SHC4: variants seen among roughly 807,000 people sequenced by gnomAD.
The protein encoded by SHC4 is SHC-transforming protein 4.
Under a neutral mutation model 69.4 loss-of-function variants are expected in SHC4, and 41 were observed. The observed-to-expected ratio is 0.59, with a 90% CI of 0.46 to 0.77. The LOEUF is 0.77. SHC4 is among the 30% of genes least tolerant of loss of function. The pLI is 0.00. For missense variants in SHC4, 777 were observed against 783.8 expected (o/e 0.99, Z 0.10); for synonymous variants, 318 against 299.3 (o/e 1.06, Z -0.64).
At chr15:48,841,395 A>G (rs1898985948) in intron 10 of SHC4, among the ~76,000 whole-genome samples, 1 of 152,186 alleles carries the variant, frequency 6.6e-6, no homozygotes, top group South Asian at 2.1e-4. Context: ...CACCCGTCAC[A>G]TAAGATGTCC....
At chr15:48,876,254 C>T (rs1366956514) in intron 4 of SHC4, among the ~76,000 whole-genome samples, 6 of 152,148 alleles carry the variant, frequency 3.9e-5, no homozygotes, top group Admixed American at 6.5e-5. Flanking sequence ...TGGAATCATG[C>T]GGGTGACAAA....
At position 48,950,075 on chromosome 15, in the gene SHC4, C is replaced by T. The variant is rs991062333; in HGVS notation, c.585+12356G>A. ...AATATATTTATTAACATACAATAAA[C>T]ATATAAAATATATTTTTATAATATA... On this transcript the variant is annotated intron_variant, in intron 1 of 11. Coordinates refer to ENST00000332408, the MANE Select transcript of SHC4 (RefSeq NM_203349.4). 4.6e-5 allele frequency among the ~76,000 whole-genome samples: 6 copies of T among 129,140 alleles called. No homozygotes were observed. In the Admixed American group the frequency reaches 4.9e-4, roughly 11 times the overall value. 84.7% of individuals were successfully genotyped at this position (129,140 alleles called of 152,430 possible). A position where few individuals can be genotyped will look rare whatever the true frequency, so the allele number is the denominator to read the frequency against.
intron 2 of SHC4, among the ~76,000 whole-genome samples, chr15:48,922,089 G>A (rs997464309): frequency 4.6e-5 from 7 of 152,018 alleles, no homozygotes; most frequent in African/African-American, 7.2e-5. Context: ...TTAAAAACCC[G>A]CCACCTAAAT....
chr15:48,879,672 T>C (rs1042422775), intron 4 of SHC4: 2 of 167,106 alleles, frequency 1.2e-5, no homozygotes, highest in African/African-American at 2.4e-5. Flanking sequence ...AGTTATTCTA[T>C]CAACTTTTAA....
At chr15:48,841,347 G>A (rs1403059766) in intron 10 of SHC4, among the ~76,000 whole-genome samples, 1 of 152,182 alleles carries the variant, frequency 6.6e-6, no homozygotes, top group Non-Finnish European at 1.5e-5. Context: ...AGTTGAGTAA[G>A]CTTAACAGCA....
chr15:48,935,488 G>T (rs938515925), intron 1 of SHC4, among the ~76,000 whole-genome samples: 10 of 152,176 alleles, frequency 6.6e-5, no homozygotes, highest in African/African-American at 2.4e-4. Flanking sequence ...GCCAAGAAAT[G>T]ATGTTCAGGA....
chr15:48,937,477 G>A (rs572955712), intron 1 of SHC4, among the ~76,000 whole-genome samples: 2 of 152,250 alleles, frequency 1.3e-5, no homozygotes, highest in Admixed American at 6.5e-5. Context: ...TAAAGCTGCT[G>A]TTCCATGTCA....
At chr15:48,887,119 G>A (rs1337007796) in intron 3 of SHC4, among the ~76,000 whole-genome samples, 3 of 152,170 alleles carry the variant, frequency 2.0e-5, no homozygotes, top group Admixed American at 2.0e-4. Flanking sequence ...ACTCATGGGA[G>A]ATCACATAAA....
chr15:48,922,324 G>C (rs1427727592), intron 2 of SHC4, among the ~76,000 whole-genome samples: 1 of 152,120 alleles, frequency 6.6e-6, no homozygotes, highest in African/African-American at 2.4e-5. Context: ...TGAATGAATG[G>C]GTGAATGAAC....
chr15:48,906,264 A>G (rs1900403771), intron 2 of SHC4, among the ~76,000 whole-genome samples: 1 of 152,198 alleles, frequency 6.6e-6, no homozygotes, highest in African/African-American at 2.4e-5. Flanking sequence ...AACATCAAAC[A>G]TTTGATTAAC....
At chr15:48,855,807 C>T in intron 8 of SHC4, 146 bp downstream of exon 8, 1 of 788,562 alleles carries the variant, frequency 1.3e-6, no homozygotes, top group Non-Finnish European at 2.0e-6. Context: ...CTAGTGTAGC[C>T]TCTGACAGTT....
chr15:48,903,758 T>C (rs7181190), intron 2 of SHC4, among the ~76,000 whole-genome samples: 20,567 of 152,118 alleles, frequency 0.14, 1,490 homozygotes, highest in East Asian at 0.19. Context: ...TGTTTGTTTG[T>C]TTGTTTGTTT....
rs900730779 is a variant in SHC4, at chr15:48,933,575, T to C, written c.586-8626A>G. ...TTCTTTGTACAAATTGACAAACTGA[T>C]CCTAAAATTCATGTCTAACTTCAAA... is the stretch of plus-strand genomic sequence containing the variant. On this transcript the variant is annotated intron_variant, in intron 1 of 11. Transcript: ENST00000332408. 3.3e-5 allele frequency among the ~76,000 whole-genome samples: 5 copies of C among 152,280 alleles called. No homozygotes were observed. The East Asian group carries it at 9.6e-4, about 29-fold the overall frequency.
At chr15:48,878,811 T>C (rs1364683845) in intron 4 of SHC4, 1 of 1,435,340 alleles carries the variant, frequency 7.0e-7, no homozygotes, top group Non-Finnish European at 9.4e-7. Context: ...TTGGGTTCAT[T>C]CCAAATAGTT....
Position 48,833,363 on chromosome 15 carries a change from C to G in SHC4, c.1737+1406G>C, listed in dbSNP as rs114908639. Among the ~76,000 whole-genome samples, 695 of 152,276 alleles carry G rather than the reference C, an allele frequency of 4.6e-3. 5 individuals carry two copies. Among genetic ancestry groups the G allele is most frequent in the African/African-American group, 0.016 (663 of 41,554 alleles). On this transcript the variant is annotated intron_variant, in intron 11 of 11. Coordinates refer to ENST00000332408, the MANE Select transcript of SHC4 (RefSeq NM_203349.4). ...CACTGCAAGTTCTCTGGTTCTATAGCAGCAAGCCACCCCACTATCCCTTGT... is the reference window on the plus strand; with the variant it reads ...CACTGCAAGTTCTCTGGTTCTATAGGAGCAAGCCACCCCACTATCCCTTGT...
chr15:48,920,111 T>C (rs1255660672), intron 2 of SHC4, among the ~76,000 whole-genome samples: 1 of 151,044 alleles, frequency 6.6e-6, no homozygotes, highest in East Asian at 1.9e-4. Flanking sequence ...GCCTCCCGGG[T>C]TCACGCCATT....
At chr15:48,873,511 G>A (rs11070659) in intron 4 of SHC4, among the ~76,000 whole-genome samples, 56,093 of 152,132 alleles carry the variant, frequency 0.37, 11,498 homozygotes, top group Middle Eastern at 0.54. Flanking sequence ...TTGGGAGGCC[G>A]TGGCGGGCGG....
intron 2 of SHC4, among the ~76,000 whole-genome samples, chr15:48,896,006 T>C (rs898458002): frequency 3.3e-5 from 5 of 152,078 alleles, no homozygotes; most frequent in Non-Finnish European, 5.9e-5. Flanking sequence ...GAGGATTGCT[T>C]GAGCCTAGGA....
intron 4 of SHC4, chr15:48,878,690 A>C: frequency 6.2e-7 from 1 of 1,614,028 alleles, no homozygotes; most frequent in Non-Finnish European, 8.5e-7. Flanking sequence ...GATGGTTGTC[A>C]ATCGTCTGAC....
Sources: gnomAD v4.1 joint callset for allele counts (sites outside exome capture counted in the v4.1 genomes callset) on GRCh38, gnomAD v4.1.1 for gene constraint, MANE v1.5 for transcripts, NCBI Gene and HGNC (gene_info 2026-07-23, HGNC 2026-07-21) for gene names.